Variants in CDH13 observed in about 807,000 individuals in gnomAD.
The protein encoded by CDH13 is cadherin 13, also known as cadherin-13.
A neutral mutation model predicts 63.8 loss-of-function variants in CDH13; 24 were observed. The ratio of observed to expected loss-of-function variants is 0.38; its 90% CI spans 0.27 to 0.53. The LOEUF (loss-of-function observed/expected upper bound fraction) is 0.53. CDH13 is among the 20% of genes least tolerant of loss of function. CDH13 has a pLI of 0.85. For synonymous variants in CDH13, 503 were observed against 355.3 expected (o/e 1.42, Z -4.67); for missense variants, 1,049 against 903.1 (o/e 1.16, Z -2.07).
chr16:83,104,354 G>A (rs1200233666), intron 3 of CDH13, among the ~76,000 whole-genome samples: 3 of 152,120 alleles, frequency 2.0e-5, no homozygotes, highest in Non-Finnish European at 4.4e-5. Flanking sequence ...TAAACTGCAT[G>A]GTGTGGAATA....
At chr16:83,324,796 C>A (rs4782769) in intron 5 of CDH13, among the ~76,000 whole-genome samples, 151,139 of 152,344 alleles carry the variant, frequency 0.99, 74,980 homozygotes, top group Middle Eastern at 1. Flanking sequence ...ATCATATGCT[C>A]ACTCTAGGCT....
chr16:83,036,891 T>G lies in CDH13; in HGVS notation c.366+4673T>G, dbSNP rs1047931138. ...CAAGCCAGGGTCCAGCATCCCAGGG[T>G]CCACTTTTCTTGGCCAGAGGAAGCT... On this transcript the variant is annotated intron_variant, in intron 3 of 13. Transcript: ENST00000567109. Among the ~76,000 whole-genome samples the G allele has an allele frequency of 7.2e-5, 11 of 151,986 alleles. No individual in the cohort carries two copies. In the East Asian group the frequency reaches 2.1e-3, roughly 29 times the overall value.
chr16:82,926,909 C>T (rs922198237), intron 2 of CDH13, among the ~76,000 whole-genome samples: 1 of 152,164 alleles, frequency 6.6e-6, no homozygotes, highest in Admixed American at 6.6e-5. Context: ...AACTTACCAT[C>T]TTAAAGCAAT....
intron 1 of CDH13, among the ~76,000 whole-genome samples, chr16:82,743,323 GC>G (rs2034018642): frequency 6.6e-6 from 1 of 152,118 alleles, no homozygotes; most frequent in Admixed American, 6.5e-5. Flanking sequence ...GACTTCCCGG[GC>G]TTAGGCGATC....
chr16:82,879,443 A>T (rs2040617178), intron 2 of CDH13, among the ~76,000 whole-genome samples: 1 of 146,614 alleles, frequency 6.8e-6, no homozygotes, highest in South Asian at 2.1e-4. Flanking sequence ...ATATTTTCCT[A>T]TATATGTAGA....
chr16:82,919,761 C>G lies in CDH13; in HGVS notation c.157+61288C>G, dbSNP rs140171624. ...AGCCGCGGTATAATTCTGAACAGGT[C>G]CATCTGTTCGTCATCATTCATCTAC... On this transcript the variant is annotated intron_variant, in intron 2 of 13. Coordinates refer to ENST00000567109, the MANE Select transcript of CDH13 (RefSeq NM_001257.5). 2.3e-3 allele frequency among the ~76,000 whole-genome samples: 350 copies of G among 152,292 alleles called. 1 individual carries two copies. The highest frequency in any genetic ancestry group is 8.1e-3 in the African/African-American group (336 of 41,558).
intron 2 of CDH13, among the ~76,000 whole-genome samples, chr16:82,908,802 G>A (rs2151259253): frequency 6.6e-6 from 1 of 152,234 alleles, no homozygotes; most frequent in East Asian, 1.9e-4. Flanking sequence ...TAAAACCTAG[G>A]CACATTCTCC....
At chr16:83,635,332 CTTTTTTTTTTTTTTTT>C (rs71148847) in intron 8 of CDH13, among the ~76,000 whole-genome samples, 4 of 46,718 alleles carry the variant, frequency 8.6e-5, no homozygotes, top group East Asian at 7.2e-4. Flanking sequence ...CATTTTCTTT[CTTTTTTTTTTTTTTTT>C]TTTTTTTTTT....
At chr16:83,313,601 T>A (rs2090044527) in intron 5 of CDH13, among the ~76,000 whole-genome samples, 1 of 135,558 alleles carries the variant, frequency 7.4e-6, no homozygotes, top group Non-Finnish European at 1.5e-5. Context: ...AATTTTGACA[T>A]GGGCAGTGCC....
intron 13 of CDH13, 21 bp downstream of exon 13, chr16:83,783,493 T>G: frequency 6.3e-7 from 1 of 1,585,614 alleles, no homozygotes; most frequent in Non-Finnish European, 8.7e-7. Flanking sequence ...CTAACTCCAG[T>G]GCATGCACAA....
At chr16:82,643,908 A>G (rs1404180708) in intron 1 of CDH13, among the ~76,000 whole-genome samples, 1 of 85,312 alleles carries the variant, frequency 1.2e-5, no homozygotes, top group Non-Finnish European at 2.7e-5. Context: ...CACCAGGCCC[A>G]GTTAATTAAA....
At chr16:83,394,350 A>G (rs1178128114) in intron 6 of CDH13, among the ~76,000 whole-genome samples, 3 of 152,090 alleles carry the variant, frequency 2.0e-5, no homozygotes, top group African/African-American at 4.8e-5. Context: ...TGGGAAAGCA[A>G]TATTTGAACA....
At chr16:83,581,033 T>G (rs923388851) in intron 7 of CDH13, among the ~76,000 whole-genome samples, 1 of 152,242 alleles carries the variant, frequency 6.6e-6, no homozygotes, top group Non-Finnish European at 1.5e-5. Context: ...CTGTTTATTT[T>G]TAAAATGCTT....
intron 5 of CDH13, among the ~76,000 whole-genome samples, chr16:83,234,955 G>C (rs1400414350): frequency 6.6e-6 from 1 of 152,160 alleles, no homozygotes; most frequent in Non-Finnish European, 1.5e-5. Flanking sequence ...CCAGTGCCTT[G>C]GGAGGCCTAA....
chr16:82,670,527 G>C (rs758902643), intron 1 of CDH13, among the ~76,000 whole-genome samples: 1 of 152,180 alleles, frequency 6.6e-6, no homozygotes, highest in Non-Finnish European at 1.5e-5. Flanking sequence ...CACTACCCAG[G>C]TTTGCTTTAC....
At chr16:83,497,856 A>T (rs1425229102) in intron 7 of CDH13, among the ~76,000 whole-genome samples, 2 of 152,102 alleles carry the variant, frequency 1.3e-5, no homozygotes, top group Admixed American at 6.6e-5. Flanking sequence ...TCTGAAGTCC[A>T]CTCTCAAAAT....
At chr16:82,673,192 C>T (rs1809170865) in intron 1 of CDH13, among the ~76,000 whole-genome samples, 1 of 151,766 alleles carries the variant, frequency 6.6e-6, no homozygotes, top group African/African-American at 2.4e-5. Context: ...CGACGAAGCC[C>T]CGGGTAGGAA....
At chr16:83,160,924 G>A (rs375817297) in intron 4 of CDH13, among the ~76,000 whole-genome samples, 2 of 152,134 alleles carry the variant, frequency 1.3e-5, no homozygotes, top group African/African-American at 4.8e-5. Flanking sequence ...TCCGTTACTG[G>A]GACTTGATAC....
chr16:83,557,809 C>G (rs749632210), intron 7 of CDH13, among the ~76,000 whole-genome samples: 1 of 152,092 alleles, frequency 6.6e-6, no homozygotes, highest in Non-Finnish European at 1.5e-5. Context: ...CAGACTTCCC[C>G]AGCCACCTGT....
Sources: allele counts gnomAD v4.1 joint callset (sites outside exome capture counted in the v4.1 genomes callset), GRCh38; gene constraint gnomAD v4.1.1; transcripts MANE v1.5; gene names NCBI Gene and HGNC (gene_info 2026-07-23, HGNC 2026-07-21).